The following LRP12 variants were observed in gnomAD, a reference collection of about 807,000 sequenced individuals.
LRP12 encodes LDL receptor related protein 12.
In LRP12, 14 loss-of-function variants were observed where a neutral mutation model predicts 66.0. That is an observed-to-expected ratio of 0.21 (90% confidence interval 0.14 to 0.33). LRP12 has a LOEUF of 0.33. Ranked by LOEUF, LRP12 falls within the 10% of genes least tolerant of loss-of-function variation. LRP12 has a pLI of 1.00. For missense variants in LRP12, 889 were observed against 1,053.4 expected, an observed-to-expected ratio of 0.84 and a Z score of 2.16; for synonymous variants, 357 against 359.1, an observed-to-expected ratio of 0.99 and a Z score of 0.07.
At chr8:104,531,638 T>G (rs533881457) in intron 2 of LRP12, among the ~76,000 whole-genome samples, 54 of 152,236 alleles carry the variant, frequency 3.5e-4, no homozygotes, top group African/African-American at 1.3e-3. Flanking sequence ...TAATTCAACT[T>G]GAGCTAACTT....
At chr8:104,534,177 G>T (rs1030537285) in intron 1 of LRP12, among the ~76,000 whole-genome samples, 1 of 151,726 alleles carries the variant, frequency 6.6e-6, no homozygotes, top group African/African-American at 2.4e-5. Context: ...TACTAACTTG[G>T]ATAGATACAC....
At position 104,588,976 on chromosome 8, in the gene LRP12, C is replaced by CCGA; in HGVS notation, c.-80_-79insTCG. On this transcript the variant is annotated 5_prime_UTR_variant, in exon 1 of 7. Coordinates refer to ENST00000276654, the MANE Select transcript of LRP12 (RefSeq NM_013437.5). ...CTGGAGGTAGACGACGCCGACGCCG[C>CCGA]CGCCGCCGCCGCCGCCGCCGCCGAG... 1 of 648,512 alleles carries CCGA rather than the reference C, an allele frequency of 1.5e-6. No homozygotes were observed. The allele number at this position is 648,512 out of a possible 1,614,324, so 40.2% of individuals were successfully genotyped here. A position where few individuals can be genotyped will look rare whatever the true frequency, so the allele number is the denominator to read the frequency against.
rs1055454495 is a variant in LRP12 at position 104,516,905 on chromosome 8, G to A, written c.137-7831C>T. 5.9e-5 allele frequency among the ~76,000 whole-genome samples: 9 copies of A among 152,074 alleles called. 1 individual carries two copies. The highest frequency in any genetic ancestry group is 2.2e-4 in the African/African-American group (9 of 41,544). On this transcript the variant is annotated intron_variant, in intron 2 of 6. Transcript: ENST00000276654. ...AAAAAGTATAATTTCCTGCTCCACA[G>A]ATGAAGAACTGGGTTTTTTAAAACT...
At chr8:104,587,483 T>TA (rs1812352092) in intron 1 of LRP12, among the ~76,000 whole-genome samples, 2 of 152,188 alleles carry the variant, frequency 1.3e-5, no homozygotes, top group South Asian at 4.2e-4. Context: ...TACCCCTACA[T>TA]AAAAAATGGA....
chr8:104,515,078 G>A (rs912575532), intron 2 of LRP12, among the ~76,000 whole-genome samples: 1 of 152,272 alleles, frequency 6.6e-6, no homozygotes, highest in East Asian at 1.9e-4. Flanking sequence ...GCCATGGGAA[G>A]GATAGGGTTG....
intron 1 of LRP12, among the ~76,000 whole-genome samples, chr8:104,581,641 T>C (rs1174695725): frequency 6.6e-6 from 1 of 152,158 alleles, no homozygotes. Context: ...TTATCAGATC[T>C]GTACTTTAGA....
intron 1 of LRP12, among the ~76,000 whole-genome samples, chr8:104,541,386 T>A (rs557307881): frequency 6.6e-6 from 1 of 152,304 alleles, no homozygotes; most frequent in African/African-American, 2.4e-5. Context: ...ACTACTAAGT[T>A]CAAAGGTTCC....
At chr8:104,506,419 A>G (rs79946924) in intron 3 of LRP12, 125 of 152,166 alleles carry the variant, frequency 8.2e-4, no homozygotes, top group African/African-American at 2.9e-3. Flanking sequence ...TTTGGTTTAC[A>G]GGTTTATTTT....
At chr8:104,551,168 C>T (rs903829534) in intron 1 of LRP12, among the ~76,000 whole-genome samples, 1 of 148,138 alleles carries the variant, frequency 6.8e-6, no homozygotes, top group Non-Finnish European at 1.5e-5. Context: ...TATGATGTAC[C>T]CTTTGCATGG....
At chr8:104,557,342 G>T (rs113267347) in intron 1 of LRP12, among the ~76,000 whole-genome samples, 2 of 152,032 alleles carry the variant, frequency 1.3e-5, no homozygotes, top group African/African-American at 4.8e-5. Flanking sequence ...TCAAACTGTC[G>T]CTGTTTGCCA....
chr8:104,535,682 G>C, intron 1 of LRP12, among the ~76,000 whole-genome samples: 1 of 151,782 alleles, frequency 6.6e-6, no homozygotes, highest in East Asian at 1.9e-4. Flanking sequence ...CTAGTAGTTT[G>C]GTAATTTTTT....
rs1168435840 is a variant in LRP12 at position 104,503,305 on chromosome 8, T to C, written c.273-3786A>G. On this transcript the variant is annotated intron_variant, in intron 3 of 6. Transcript: ENST00000276654. ...TGGCGCCACTGCACTCCAGCCTGGG[T>C]GACAAAGCGAGACTGTGTCTCTCAA... Among the ~76,000 whole-genome samples, 6 of 110,862 alleles carry C rather than the reference T, an allele frequency of 5.4e-5. No individual in the cohort carries two copies. The Admixed American group carries it at 8.6e-4, about 16-fold the overall frequency. 72.7% of individuals were successfully genotyped at this position (110,862 alleles called of 152,430 possible).
At chr8:104,541,537 A>G (rs999817505) in intron 1 of LRP12, among the ~76,000 whole-genome samples, 1 of 152,210 alleles carries the variant, frequency 6.6e-6, no homozygotes, top group African/African-American at 2.4e-5. Context: ...TCTTTTTTCA[A>G]GTGCACAATG....
chr8:104,518,280 CTTATTA>C (rs1811099852), intron 2 of LRP12, among the ~76,000 whole-genome samples: 1 of 151,914 alleles, frequency 6.6e-6, no homozygotes, highest in Non-Finnish European at 1.5e-5. Context: ...TACCTTAATA[CTTATTA>C]TTATTATCCC....
intron 1 of LRP12, among the ~76,000 whole-genome samples, chr8:104,587,237 C>T (rs747244089): frequency 3.3e-5 from 5 of 152,148 alleles, no homozygotes; most frequent in Non-Finnish European, 7.3e-5. Context: ...ATCCTAATCA[C>T]CCTAAATTAA....
Position 104,497,318 on chromosome 8 carries a change from T to C in LRP12, c.1234A>G (p.Met412Val). 2 of 1,614,156 alleles carry C rather than the reference T, an allele frequency of 1.2e-6. No individual in the cohort carries two copies. The highest frequency in any genetic ancestry group is 1.3e-5 in the African/African-American group (1 of 75,036). Residue 412 changes from methionine (M) to valine (V), a missense_variant, in exon 5 of 7, where the codon ATG becomes GTG. Around this residue, in one of 3 missense-constraint regions of LRP12, gnomAD observed 800 missense variants for 964.5 expected, o/e 0.83. Coordinates refer to ENST00000276654, the MANE Select transcript of LRP12 (RefSeq NM_013437.5). This position sits in a 1 kb window ranked among gnomAD's most constrained non-coding sequence, Gnocchi z 4.3. ...PNGRDETNCT[M>V]CQKEEFPCSR... Reference sequence around the variant, plus strand: ...CATGGAAATTCTTCCTTCTGGCACATGGTACAATTGGTTTCATCCCTTCCA... The same window carrying C: ...CATGGAAATTCTTCCTTCTGGCACACGGTACAATTGGTTTCATCCCTTCCA...
chr8:104,501,372 T>G (rs1279866266), intron 3 of LRP12, among the ~76,000 whole-genome samples: 2 of 152,058 alleles, frequency 1.3e-5, no homozygotes, highest in African/African-American at 4.8e-5. Flanking sequence ...TTCATGTCTT[T>G]TGCCCATTAA....
intron 1 of LRP12, among the ~76,000 whole-genome samples, chr8:104,572,763 A>G (rs1359595724): frequency 6.6e-6 from 1 of 152,200 alleles, no homozygotes; most frequent in African/African-American, 2.4e-5. Context: ...TGACTCAAGG[A>G]TGAAGGAATT....
intron 5 of LRP12, 69 bp from the exon 6 acceptor site, chr8:104,495,278 CAGT>C: frequency 1.4e-6 from 2 of 1,469,282 alleles, no homozygotes; most frequent in East Asian, 4.6e-5. Context: ...TTTCTATTAT[CAGT>C]AATTAAAACA....
Sources: allele counts gnomAD v4.1 joint callset (sites outside exome capture counted in the v4.1 genomes callset), GRCh38; gene constraint gnomAD v4.1.1; regional missense constraint gnomAD v4.1.1; non-coding constraint Gnocchi (gnomAD v3.1); transcripts MANE v1.5; gene names NCBI Gene and HGNC (gene_info 2026-07-23, HGNC 2026-07-21).